PFKFB1: variants seen among roughly 807,000 people sequenced by gnomAD.
The protein encoded by PFKFB1 is 6-phosphofructo-2-kinase/fructose-2,6-bisphosphatase 1.
In PFKFB1, 34 loss-of-function variants were observed where a neutral mutation model predicts 46.4. The ratio of observed to expected loss-of-function variants is 0.73; its 90% CI spans 0.56 to 0.98. The LOEUF (loss-of-function observed/expected upper bound fraction) is 0.98, where lower values mean the gene tolerates loss of function less well. Ranked by LOEUF, PFKFB1 falls within the 50% of genes least tolerant of loss-of-function variation. PFKFB1 has a pLI of 0.00. For synonymous variants in PFKFB1, 119 were observed against 133.8 expected, an observed-to-expected ratio of 0.89 and a Z score of 0.76; for missense variants, 393 against 376.3, an observed-to-expected ratio of 1.04 and a Z score of -0.37.
At chrX:54,992,721 C>A (rs1935271331) in intron 1 of PFKFB1, among the ~76,000 whole-genome samples, 1 of 111,728 alleles carries the variant, frequency 9.0e-6, no homozygotes, top group Non-Finnish European at 1.9e-5. Context: ...CTCTGGAGGA[C>A]CCGTGTATGC....
chrX:54,934,267 G>A (rs1480150372), intron 12 of PFKFB1, among the ~76,000 whole-genome samples: 3 of 112,181 alleles, frequency 2.7e-5, no homozygotes, highest in Non-Finnish European at 5.6e-5. Flanking sequence ...CGTGTTAGGT[G>A]GTGAAGAGGT....
chrX:54,959,462 A>C (rs1307557162), intron 4 of PFKFB1, among the ~76,000 whole-genome samples: 1 of 112,051 alleles, frequency 8.9e-6, no homozygotes, highest in Non-Finnish European at 1.9e-5. Context: ...ATAACTCAAA[A>C]CTGTTTGTAC....
At position 54,973,416 on chromosome X, in the gene PFKFB1, C is replaced by A. The variant is rs1934741679; in HGVS notation, c.98-10034G>T. Among the ~76,000 whole-genome samples, 5 of 111,258 alleles carry A rather than the reference C, an allele frequency of 4.5e-5. No individual in the cohort carries two copies. In the South Asian group the frequency reaches 1.9e-3, roughly 42 times the overall value. On this transcript the variant is annotated intron_variant, in intron 1 of 13. Coordinates refer to ENST00000375006, the MANE Select transcript of PFKFB1 (RefSeq NM_002625.4). ...TGTGTTTGCTCTTGCTTTTCTAGTT[C>A]TTTTAATTGTGATGTTAGGGTGTCC...
intron 1 of PFKFB1, among the ~76,000 whole-genome samples, chrX:54,973,219 C>A (rs936954729): frequency 9.1e-6 from 1 of 110,383 alleles, no homozygotes; most frequent in African/African-American, 3.3e-5. Flanking sequence ...CGTCTATTTG[C>A]TTCTTCTCCC....
chrX:54,976,887 A>G (rs916758368), intron 1 of PFKFB1, among the ~76,000 whole-genome samples: 8 of 111,139 alleles, frequency 7.2e-5, no homozygotes, highest in African/African-American at 2.6e-4. Context: ...CATATCCAAA[A>G]GCTGACATGT....
chrX:54,973,550 C>T lies in PFKFB1; in HGVS notation c.98-10168G>A, dbSNP rs147529116. 6.5e-3 allele frequency among the ~76,000 whole-genome samples: 721 copies of T among 111,318 alleles called. 7 individuals carry two copies. The highest frequency in any genetic ancestry group is 0.021 in the African/African-American group (658 of 30,652). Reference sequence around the variant, plus strand: ...ATTCTGTTATGTTGTGTCTTGTTCTCGTTGGTTTCAAAGAACATCTTTATT... The same window carrying T: ...ATTCTGTTATGTTGTGTCTTGTTCTTGTTGGTTTCAAAGAACATCTTTATT... On this transcript the variant is annotated intron_variant, in intron 1 of 13. Transcript: ENST00000375006.
intron 7 of PFKFB1, among the ~76,000 whole-genome samples, chrX:54,953,835 T>G (rs1934056574): frequency 8.9e-6 from 1 of 112,058 alleles, no homozygotes; most frequent in African/African-American, 3.2e-5. Flanking sequence ...ACCTTTGCTA[T>G]TACTCTTGGA....
At chrX:54,943,737 C>T (rs182731924) in intron 10 of PFKFB1, among the ~76,000 whole-genome samples, 2,010 of 107,346 alleles carry the variant, frequency 0.019, 57 homozygotes, top group African/African-American at 0.066. Flanking sequence ...GGTGAAAGAG[C>T]GAGACTCCGT....
intron 12 of PFKFB1, 117 bp from the exon 13 acceptor site, chrX:54,934,002 G>A: frequency 1.9e-6 from 1 of 527,203 alleles, no homozygotes; most frequent in Non-Finnish European, 3.2e-6. Context: ...ACTGTGTACA[G>A]ATCATGACTC....
Position 54,937,726 on chromosome X carries a change from T to C in PFKFB1, c.1099-2A>G. ...ACGCTGAACCAGATCCTCATAGGAC[T>C]AAACGTAAGAGAGATACTTGAGTGA... On this transcript the variant is annotated splice_acceptor_variant, in intron 10 of 13. Transcript: ENST00000375006. LOFTEE classifies it high-confidence loss of function. 2 of 1,205,758 alleles carry C rather than the reference T, an allele frequency of 1.7e-6. No individual in the cohort carries two copies. The highest frequency in any genetic ancestry group is 2.2e-6 in the Non-Finnish European group (2 of 891,360).
At chrX:54,949,424 C>CAGAG (rs3028350) in intron 8 of PFKFB1, among the ~76,000 whole-genome samples, 196 of 93,916 alleles carry the variant, frequency 2.1e-3, no homozygotes, top group Middle Eastern at 0.011. Flanking sequence ...AAGAGCATGA[C>CAGAG]AGAGAGAGAG....
intron 6 of PFKFB1, among the ~76,000 whole-genome samples, chrX:54,956,961 G>C (rs1443391073): frequency 8.9e-6 from 1 of 111,980 alleles, no homozygotes; most frequent in African/African-American, 3.2e-5. Context: ...CATACTGGCA[G>C]CCAGAAGGGT....
intron 3 of PFKFB1, among the ~76,000 whole-genome samples, chrX:54,960,608 C>T (rs964073176): frequency 3.6e-5 from 4 of 110,996 alleles, no homozygotes; most frequent in Non-Finnish European, 7.6e-5. Context: ...GTTCCAACTA[C>T]TGTTTGAGAG....
At chrX:54,937,202 C>G (rs776119513) in intron 11 of PFKFB1, among the ~76,000 whole-genome samples, 9 of 111,827 alleles carry the variant, frequency 8.0e-5, no homozygotes, top group Non-Finnish European at 1.3e-4. Context: ...CTGATGGTAG[C>G]ATGCTTCACA....
chrX:54,958,427 T>C, intron 5 of PFKFB1, 65 bp from the exon 6 acceptor site: 1 of 678,623 alleles, frequency 1.5e-6, no homozygotes. Context: ...TGAACATAGC[T>C]TTACTCCTTT....
At chrX:54,952,198 C>A in intron 7 of PFKFB1, 86 bp from the exon 8 acceptor site, 2 of 673,242 alleles carry the variant, frequency 3.0e-6, no homozygotes, top group East Asian at 3.4e-5. Context: ...AACCACACAC[C>A]CTTTCAAACC....
chrX:54,952,235 T>C (rs1800005889), intron 7 of PFKFB1, 123 bp from the exon 8 acceptor site: 3 of 518,724 alleles, frequency 5.8e-6, no homozygotes, highest in Middle Eastern at 5.4e-4. Flanking sequence ...TGTCACCTAA[T>C]GTGATGCAAT....
intron 11 of PFKFB1, among the ~76,000 whole-genome samples, chrX:54,936,470 G>A (rs772144014): frequency 9.0e-6 from 1 of 111,547 alleles, no homozygotes; most frequent in East Asian, 2.8e-4. Flanking sequence ...TGTCTGAGAC[G>A]GGAAGTCCTC....
intron 1 of PFKFB1, among the ~76,000 whole-genome samples, chrX:54,965,600 T>C (rs931983705): frequency 1.4e-4 from 16 of 110,924 alleles, no homozygotes; most frequent in African/African-American, 4.9e-4. Flanking sequence ...GGTCAGAAAA[T>C]TGGGTGTACA....
Sources: allele counts gnomAD v4.1 joint callset (sites outside exome capture counted in the v4.1 genomes callset), GRCh38; gene constraint gnomAD v4.1.1; transcripts MANE v1.5; gene names NCBI Gene and HGNC (gene_info 2026-07-23, HGNC 2026-07-21).